Variants in CLYBL observed in about 807,000 individuals in gnomAD.
The protein encoded by CLYBL is citramalyl-CoA lyase, mitochondrial.
CLYBL carries 31 observed loss-of-function variants against 38.9 expected under a neutral mutation model. The ratio of observed to expected loss-of-function variants is 0.80; its 90% CI spans 0.60 to 1.08. The LOEUF is 1.08. Among genes scored for constraint, CLYBL ranks in the 50% least tolerant of loss-of-function variants. The pLI is 0.00. For missense variants in CLYBL, 434 were observed against 411.6 expected, an observed-to-expected ratio of 1.05 and a Z score of -0.47; for synonymous variants, 171 against 158.6, an observed-to-expected ratio of 1.08 and a Z score of -0.59.
At chr13:99,834,206 CG>C (rs945843360) in intron 2 of CLYBL, among the ~76,000 whole-genome samples, 2 of 152,082 alleles carry the variant, frequency 1.3e-5, no homozygotes, top group African/African-American at 2.4e-5. Context: ...CTCAGGACCA[CG>C]GGAGCCTTGG....
At chr13:99,744,173 C>T (rs950887562) in intron 1 of CLYBL, among the ~76,000 whole-genome samples, 29 of 151,946 alleles carry the variant, frequency 1.9e-4, no homozygotes, top group Non-Finnish European at 3.2e-4. Flanking sequence ...GGGGTTTCAC[C>T]GTGTTAGTCA....
intron 2 of CLYBL, among the ~76,000 whole-genome samples, chr13:99,831,538 C>T (rs576624289): frequency 8.6e-5 from 13 of 151,532 alleles, no homozygotes; most frequent in African/African-American, 2.7e-4. Flanking sequence ...ACATATATCC[C>T]GGAACTTAAA....
In CLYBL at chr13:99,812,112, T is replaced by C. The variant is rs186854805; in HGVS notation, c.249+39102T>C. Among the ~76,000 whole-genome samples the C allele has an allele frequency of 5.9e-5, 9 of 152,330 alleles. No individual in the cohort carries two copies. In the East Asian group the frequency reaches 1.7e-3, roughly 29 times the overall value. On this transcript the variant is annotated intron_variant, in intron 2 of 8. Transcript: ENST00000339105. ...CTGTGAGACTGAGACTTCTTCCTCA[T>C]AGTGTGACTGTTCCTACATTTTGCT...
intron 2 of CLYBL, among the ~76,000 whole-genome samples, chr13:99,830,331 C>T (rs2050780498): frequency 1.3e-5 from 2 of 152,106 alleles, no homozygotes; most frequent in African/African-American, 2.4e-5. Flanking sequence ...AGATCAGTGC[C>T]CTCCTGGTAG....
intron 1 of CLYBL, among the ~76,000 whole-genome samples, chr13:99,627,464 A>G (rs1227538813): frequency 6.6e-6 from 1 of 152,212 alleles, no homozygotes; most frequent in Non-Finnish European, 1.5e-5. Flanking sequence ...GCCTATGACA[A>G]ATGGTCTTGG....
intron 2 of CLYBL, among the ~76,000 whole-genome samples, chr13:99,833,030 A>ATTTTTT (rs869061868): frequency 2.8e-5 from 1 of 35,866 alleles, no homozygotes; most frequent in Non-Finnish European, 4.4e-5. Flanking sequence ...ATATATATAT[A>ATTTTTT]TTTTTTTTTT....
chr13:99,711,097 T>G (rs2806289), intron 1 of CLYBL, among the ~76,000 whole-genome samples: 1 of 152,074 alleles, frequency 6.6e-6, no homozygotes, highest in African/African-American at 2.4e-5. Context: ...AGGCTAGTCT[T>G]GAGCTCCTGG....
intron 7 of CLYBL, among the ~76,000 whole-genome samples, chr13:99,881,051 A>G (rs72656004): frequency 0.048 from 7,361 of 152,258 alleles, 235 homozygotes; most frequent in Middle Eastern, 0.12. Context: ...CAGGTGCAAC[A>G]TGAATGCCAC....
rs1022626845 is a variant in CLYBL at position 99,670,547 on chromosome 13, ATC to A, written c.62+63794_62+63795del. Among the ~76,000 whole-genome samples the A allele has an allele frequency of 1.3e-4, 20 of 152,202 alleles. No homozygotes were observed. In the South Asian group the frequency reaches 1.7e-3, roughly 13 times the overall value. On this transcript the variant is annotated intron_variant, in intron 1 of 8. Transcript: ENST00000339105. ...TACTGGCCTGTTTTAGGATTTAGAA[ATC>A]TCTGCTCTGCCCTTCTTTCAACTAT...
intron 1 of CLYBL, among the ~76,000 whole-genome samples, chr13:99,612,687 C>T (rs897069800): frequency 4.6e-5 from 7 of 152,024 alleles, no homozygotes; most frequent in African/African-American, 7.2e-5. Context: ...CACACCCATC[C>T]GGGGTCTACT....
At chr13:99,815,314 A>G (rs1380131993) in intron 2 of CLYBL, among the ~76,000 whole-genome samples, 2 of 152,128 alleles carry the variant, frequency 1.3e-5, no homozygotes, top group Non-Finnish European at 2.9e-5. Context: ...GATGGTGTAG[A>G]TGAGGGGATG....
At chr13:99,694,133 T>G (rs1171828312) in intron 1 of CLYBL, among the ~76,000 whole-genome samples, 1 of 152,226 alleles carries the variant, frequency 6.6e-6, no homozygotes, top group Non-Finnish European at 1.5e-5. Flanking sequence ...CTGTGAGGCA[T>G]TTCAGTGGTC....
At chr13:99,611,183 A>AT (rs2046621298) in intron 1 of CLYBL, among the ~76,000 whole-genome samples, 1 of 152,112 alleles carries the variant, frequency 6.6e-6, no homozygotes, top group African/African-American at 2.4e-5. Flanking sequence ...AGATTCATAC[A>AT]TTTTTCTTGA....
chr13:99,901,147 C>A (rs1321714423), downstream of CLYBL, among the ~76,000 whole-genome samples: 1 of 152,218 alleles, frequency 6.6e-6, no homozygotes, highest in East Asian at 1.9e-4. Context: ...CCATGCTGAG[C>A]TGGCTCCCTC....
At chr13:99,727,045 A>T (rs1441687127) in intron 1 of CLYBL, among the ~76,000 whole-genome samples, 1 of 151,718 alleles carries the variant, frequency 6.6e-6, no homozygotes, top group Non-Finnish European at 1.5e-5. Flanking sequence ...TGAAATCCCA[A>T]CTACTCGGGA....
chr13:99,878,597 A>G (rs1281758326), intron 7 of CLYBL, among the ~76,000 whole-genome samples: 2 of 152,254 alleles, frequency 1.3e-5, no homozygotes, highest in East Asian at 3.8e-4. Flanking sequence ...TAAAAAATCA[A>G]TGACTTATGC....
intron 1 of CLYBL, among the ~76,000 whole-genome samples, chr13:99,742,717 A>G (rs551114170): frequency 6.6e-6 from 1 of 152,312 alleles, no homozygotes; most frequent in African/African-American, 2.4e-5. Context: ...TATTTTCTTA[A>G]TAAGTTTGAA....
intron 1 of CLYBL, among the ~76,000 whole-genome samples, chr13:99,714,180 G>T (rs2048278132): frequency 6.6e-6 from 1 of 152,100 alleles, no homozygotes; most frequent in Non-Finnish European, 1.5e-5. Flanking sequence ...TTCTCTGTTT[G>T]TTCTGTTTTT....
chr13:99,609,845 A>G (rs1159658540), intron 1 of CLYBL, among the ~76,000 whole-genome samples: 3 of 152,164 alleles, frequency 2.0e-5, no homozygotes, highest in South Asian at 4.1e-4. Flanking sequence ...CCTTTTCTAT[A>G]CTTTCTATCT....
Sources: allele counts gnomAD v4.1 joint callset (sites outside exome capture counted in the v4.1 genomes callset), GRCh38; gene constraint gnomAD v4.1.1; transcripts MANE v1.5; gene names NCBI Gene and HGNC (gene_info 2026-07-23, HGNC 2026-07-21).